Variants in ERC2 observed in about 807,000 individuals in gnomAD.
ERC2 encodes the protein ELKS/RAB6-interacting/CAST family member 2.
ERC2 carries 42 observed loss-of-function variants against 114.8 expected under a neutral mutation model. The observed-to-expected ratio is 0.37, with a 90% CI of 0.29 to 0.47. The LOEUF is 0.47. Among genes scored for constraint, ERC2 ranks in the 20% least tolerant of loss-of-function variants. ERC2 has a pLI of 0.99. For synonymous variants in ERC2, 454 were observed against 425.5 expected (o/e 1.07, Z -0.82); for missense variants, 939 against 1,150.7 (o/e 0.82, Z 2.66).
intron 14 of ERC2, among the ~76,000 whole-genome samples, chr3:55,855,542 AG>A (rs1179397365): frequency 6.6e-6 from 1 of 152,276 alleles, no homozygotes; most frequent in South Asian, 2.1e-4. Context: ...TTTCTTTGGT[AG>A]GGGGGGATGA....
chr3:56,254,493 C>A (rs895067202), intron 3 of ERC2, among the ~76,000 whole-genome samples: 2 of 152,188 alleles, frequency 1.3e-5, no homozygotes, highest in Non-Finnish European at 2.9e-5. Flanking sequence ...GGAGGCCCCA[C>A]CTCTGGCTCA....
chr3:56,270,073 G>GAGGA (rs72573615), intron 3 of ERC2, among the ~76,000 whole-genome samples: 2,114 of 150,748 alleles, frequency 0.014, 54 homozygotes, highest in African/African-American at 0.048. Context: ...ATTTAAGGAG[G>GAGGA]AAAAAATAGA....
chr3:56,194,452 T>C (rs2047976350), intron 3 of ERC2, among the ~76,000 whole-genome samples: 3 of 152,016 alleles, frequency 2.0e-5, no homozygotes, highest in Non-Finnish European at 2.9e-5. Context: ...AGTGAGACCG[T>C]CTCTTAAAAC....
At chr3:55,867,126 C>T (rs2149274148) in intron 14 of ERC2, among the ~76,000 whole-genome samples, 1 of 151,790 alleles carries the variant, frequency 6.6e-6, no homozygotes, top group Non-Finnish European at 1.5e-5. Context: ...TTTTCTTTCT[C>T]AACACACTCT....
chr3:56,151,123 T>C (rs545654285), intron 4 of ERC2, among the ~76,000 whole-genome samples: 1 of 152,276 alleles, frequency 6.6e-6, no homozygotes, highest in Admixed American at 6.5e-5. Flanking sequence ...TCACCCAGTC[T>C]ATAGTACTTT....
At chr3:56,305,512 CCACACACACACACA>C (rs58751787) in intron 2 of ERC2, among the ~76,000 whole-genome samples, 49 of 144,440 alleles carry the variant, frequency 3.4e-4, no homozygotes, top group African/African-American at 9.3e-4. Context: ...ACTCTCTTAT[CCACACACACACACA>C]CACACACACA....
intron 14 of ERC2, among the ~76,000 whole-genome samples, chr3:55,875,722 A>ACT (rs1209036524): frequency 2.6e-4 from 37 of 143,696 alleles, no homozygotes; most frequent in African/African-American, 7.7e-4. Context: ...ACACACACAC[A>ACT]CACTCTCTCT....
At chr3:55,585,873 G>A (rs1283844316) in intron 17 of ERC2, among the ~76,000 whole-genome samples, 2 of 152,294 alleles carry the variant, frequency 1.3e-5, no homozygotes, top group Admixed American at 6.5e-5. Flanking sequence ...AGCTGGTTTC[G>A]GCTTTGATGC....
chr3:56,152,754 T>C (rs896074010), intron 4 of ERC2, among the ~76,000 whole-genome samples: 1 of 152,218 alleles, frequency 6.6e-6, no homozygotes, highest in Non-Finnish European at 1.5e-5. Flanking sequence ...TTTTCAATCA[T>C]TTCTTTCTAC....
chr3:55,517,091 A>AT (rs1025819944), intron 17 of ERC2, among the ~76,000 whole-genome samples: 1 of 152,040 alleles, frequency 6.6e-6, no homozygotes, highest in Admixed American at 6.6e-5. Flanking sequence ...TACTTTTCCC[A>AT]TTTTTGTAAC....
chr3:55,523,640 G>A (rs1365400909), intron 17 of ERC2, among the ~76,000 whole-genome samples: 1 of 152,152 alleles, frequency 6.6e-6, no homozygotes, highest in Non-Finnish European at 1.5e-5. Context: ...TCTGATTAAT[G>A]CCTGACTGCA....
At chr3:56,223,738 C>T (rs1396383632) in intron 3 of ERC2, among the ~76,000 whole-genome samples, 1 of 152,042 alleles carries the variant, frequency 6.6e-6, no homozygotes, top group Non-Finnish European at 1.5e-5. Context: ...AAGCAGGGGG[C>T]CAACATTTTA....
chr3:55,958,324 G>C (rs1172208475), intron 12 of ERC2, among the ~76,000 whole-genome samples: 3 of 152,178 alleles, frequency 2.0e-5, no homozygotes, highest in Non-Finnish European at 4.4e-5. Flanking sequence ...ATCTGGATGA[G>C]TCCAGGGTTT....
At position 56,204,439 on chromosome 3, in the gene ERC2, T is replaced by C. The variant is rs142450906; in HGVS notation, c.1075-30919A>G. ...CACAAACATTTGTAATTAGTTCTCC[T>C]AAAGTTTTTAATGTGACACAAACAT... On this transcript the variant is annotated intron_variant, in intron 3 of 17. Coordinates refer to ENST00000288221, the MANE Select transcript of ERC2 (RefSeq NM_015576.3). Among the ~76,000 whole-genome samples the C allele has an allele frequency of 4.6e-3, 703 of 151,978 alleles. 9 individuals carry two copies. The highest frequency in any genetic ancestry group is 0.016 in the African/African-American group (647 of 41,490).
At chr3:56,060,831 C>T (rs912664722) in intron 7 of ERC2, among the ~76,000 whole-genome samples, 1 of 152,212 alleles carries the variant, frequency 6.6e-6, no homozygotes, top group African/African-American at 2.4e-5. Context: ...GCCCCTGCCC[C>T]TACTGCCCCC....
In ERC2 at chr3:56,403,184, C is replaced by A. The variant is rs73075902; in HGVS notation, c.657+31167G>T. On this transcript the variant is annotated intron_variant, in intron 2 of 17. Transcript: ENST00000288221. ...TGTATTCCTTATAGATGGTCATTGA[C>A]TTAAATACTATTCTAATTTTCTAGA... is the stretch of plus-strand genomic sequence containing the variant. Among the ~76,000 whole-genome samples the A allele has an allele frequency of 3.0e-3, 452 of 152,260 alleles. 2 individuals carry two copies. Among genetic ancestry groups the A allele is most frequent in the Middle Eastern group, 0.01 (3 of 294 alleles).
intron 3 of ERC2, among the ~76,000 whole-genome samples, chr3:56,284,175 A>T (rs1380791179): frequency 6.6e-6 from 1 of 152,218 alleles, no homozygotes; most frequent in African/African-American, 2.4e-5. Flanking sequence ...GAACAAAATC[A>T]TATAGTCTGA....
At chr3:55,868,628 C>A (rs1473077666) in intron 14 of ERC2, among the ~76,000 whole-genome samples, 1 of 152,204 alleles carries the variant, frequency 6.6e-6, no homozygotes, top group Non-Finnish European at 1.5e-5. Context: ...TCAGTAAAAA[C>A]ACCATACCAT....
At chr3:55,886,012 T>G (rs1003456410) in intron 14 of ERC2, among the ~76,000 whole-genome samples, 5 of 152,206 alleles carry the variant, frequency 3.3e-5, no homozygotes, top group South Asian at 2.1e-4. Flanking sequence ...AAACAGGAAG[T>G]AATTAAAATT....
Sources: gnomAD v4.1 joint callset for allele counts (sites outside exome capture counted in the v4.1 genomes callset) on GRCh38, gnomAD v4.1.1 for gene constraint, MANE v1.5 for transcripts, NCBI Gene and HGNC (gene_info 2026-07-23, HGNC 2026-07-21) for gene names.